Variants in YAE1 observed in about 807,000 individuals in gnomAD.
YAE1 encodes protein YAE1 homolog.
A neutral mutation model predicts 23.0 loss-of-function variants in YAE1; 22 were observed. That is an observed-to-expected ratio of 0.96 (90% CI 0.68 to 1.37). The LOEUF is 1.37. Ranked by LOEUF, YAE1 falls within the 40% of genes most tolerant of loss-of-function variation. The pLI, the probability that YAE1 is intolerant of heterozygous loss-of-function variation, is 0.00. For missense variants in YAE1, 260 were observed against 262.1 expected (o/e 0.99, Z 0.06); for synonymous variants, 101 against 97.0 (o/e 1.04, Z -0.24).
chr7:39,572,136 C>T (rs1396460669), intron 2 of YAE1, 141 bp from the exon 3 acceptor site: 37 of 855,574 alleles, frequency 4.3e-5, no homozygotes, highest in Non-Finnish European at 5.7e-5. Context: ...TCAGGAAAAG[C>T]GTATATAGAG....
Position 39,570,553 on chromosome 7 carries a change from A to G in YAE1, c.177A>G (p.Gln59=), listed in dbSNP as rs369233861. ...ATGCTGGCAAAGCAGTTACTCTTCA[A>G]CAGGGCTTCAATCAAGGTTATAAGA... is the stretch of plus-strand genomic sequence containing the variant. ...GIDAGKAVTL[Q]QGFNQGYKKG... is the part of the protein sequence containing the mutation. Residue 59 remains glutamine, a synonymous_variant, in exon 2 of 3, where the codon CAA becomes CAG. Coordinates refer to ENST00000223273, the MANE Select transcript of YAE1 (RefSeq NM_020192.5). 4 of 1,611,824 alleles carry G rather than the reference A, an allele frequency of 2.5e-6. No homozygotes were observed.
intron 2 of YAE1, among the ~76,000 whole-genome samples, chr7:39,608,561 C>T (rs574442024): frequency 6.6e-6 from 1 of 152,316 alleles, no homozygotes; most frequent in East Asian, 1.9e-4. Context: ...CCATAATAAG[C>T]ACCCAACAAG....
At chr7:39,610,074 T>C (rs989868742) in exon 3 of YAE1, 1 of 1,420,262 alleles carries the variant, frequency 7.0e-7, no homozygotes, top group Non-Finnish European at 9.2e-7. Flanking sequence ...AGGTTTCTCC[T>C]GGGTGAAGAT....
exon 3 of YAE1, chr7:39,609,857 G>C (rs4723885): frequency 0.2 from 308,809 of 1,533,322 alleles, 35,599 homozygotes; most frequent in African/African-American, 0.52. Context: ...GCCACCGCCG[G>C]CGTTTCAGAC....
In YAE1 at chr7:39,592,446, C is replaced by T. The variant is rs371427015; in HGVS notation, c.252-17171C>T. 8.3e-4 allele frequency among the ~76,000 whole-genome samples: 127 copies of T among 152,270 alleles called. No individual in the cohort carries two copies. In the South Asian group the frequency reaches 0.02, roughly 24 times the overall value. On this transcript the variant is annotated intron_variant, in intron 2 of 2. Coordinates refer to the YAE1 transcript ENST00000432096. The stretch of plus-strand genomic sequence containing the variant: ...TGAGATACAGATGCTCCTCAACTTA[C>T]CATGGCGTTATAAACCCATGATAAA...
At chr7:39,567,059 TTTTA>T (rs1207299601) in intron 1 of YAE1, 3 of 152,366 alleles carry the variant, frequency 2.0e-5, no homozygotes, top group African/African-American at 7.2e-5. Context: ...TTGGTTTCTT[TTTTA>T]TTTGTTAGAT....
At chr7:39,584,144 C>T (rs1169453516) in intron 2 of YAE1, among the ~76,000 whole-genome samples, 2 of 152,078 alleles carry the variant, frequency 1.3e-5, no homozygotes, top group Admixed American at 6.5e-5. Flanking sequence ...CACCCCCCAC[C>T]CCATTATTAT....
chr7:39,566,681 C>A, intron 1 of YAE1, 134 bp downstream of exon 1: 1 of 1,234,294 alleles, frequency 8.1e-7, no homozygotes, highest in South Asian at 1.6e-5. Flanking sequence ...GTCCGACCCG[C>A]GTCTTGCTAG....
downstream of YAE1, among the ~76,000 whole-genome samples, chr7:39,573,724 CA>C (rs1474469058): frequency 6.6e-6 from 1 of 152,060 alleles, no homozygotes; most frequent in Non-Finnish European, 1.5e-5. Flanking sequence ...TATATCTTTT[CA>C]AGAGATTAAA....
intron 2 of YAE1, among the ~76,000 whole-genome samples, chr7:39,590,213 C>T (rs893009562): frequency 6.6e-6 from 1 of 152,054 alleles, no homozygotes; most frequent in Non-Finnish European, 1.5e-5. Flanking sequence ...AAAATAATAC[C>T]GTTAAGATTC....
At chr7:39,566,625 G>A in intron 1 of YAE1, 78 bp downstream of exon 1, 2 of 1,580,326 alleles carry the variant, frequency 1.3e-6, no homozygotes, top group East Asian at 2.3e-5. Flanking sequence ...GGTCCAGAGT[G>A]GCCCCAGCCT....
chr7:39,590,382 T>G (rs1790885381), intron 2 of YAE1, among the ~76,000 whole-genome samples: 1 of 152,214 alleles, frequency 6.6e-6, no homozygotes, highest in South Asian at 2.1e-4. Context: ...TTATATGGAC[T>G]ATGTTATTTT....
chr7:39,569,063 G>A (rs1790523171), intron 1 of YAE1, among the ~76,000 whole-genome samples: 1 of 152,052 alleles, frequency 6.6e-6, no homozygotes, highest in African/African-American at 2.4e-5. Flanking sequence ...CCCCAATAAT[G>A]CAATACTGGG....
intron 2 of YAE1, among the ~76,000 whole-genome samples, 176 bp from the exon 3 acceptor site, chr7:39,572,101 A>G (rs578083748): frequency 3.3e-5 from 5 of 152,360 alleles, no homozygotes; most frequent in Admixed American, 6.5e-5. Flanking sequence ...CAGATATTAC[A>G]TAGTCATAAG....
chr7:39,611,984 A>C (rs999973990), downstream of YAE1, among the ~76,000 whole-genome samples: 1 of 152,212 alleles, frequency 6.6e-6, no homozygotes, highest in Non-Finnish European at 1.5e-5. Context: ...TTATTAATGA[A>C]TGTCTTTAAC....
At chr7:39,611,729 G>T (rs1445874859), downstream of YAE1, among the ~76,000 whole-genome samples, 7 of 152,122 alleles carry the variant, frequency 4.6e-5, no homozygotes, top group Admixed American at 2.6e-4. Context: ...TTTTTACCAT[G>T]ATTTGTTCAG....
chr7:39,591,486 C>T (rs958660782), intron 2 of YAE1, among the ~76,000 whole-genome samples: 26 of 151,788 alleles, frequency 1.7e-4, no homozygotes, highest in African/African-American at 6.3e-4. Context: ...TTTTTTTATT[C>T]CCTTTTGTTC....
chr7:39,597,522 T>C (rs2115834559), intron 2 of YAE1, among the ~76,000 whole-genome samples: 1 of 152,342 alleles, frequency 6.6e-6, no homozygotes, highest in East Asian at 1.9e-4. Flanking sequence ...AGTTATTACA[T>C]CTCACTTTTC....
chr7:39,585,198 A>G (rs958870399), intron 2 of YAE1, among the ~76,000 whole-genome samples: 6 of 152,346 alleles, frequency 3.9e-5, no homozygotes, highest in African/African-American at 1.2e-4. Flanking sequence ...ATTCAGAAAC[A>G]TTGTAGAAAA....
Sources: allele counts gnomAD v4.1 joint callset (sites outside exome capture counted in the v4.1 genomes callset), GRCh38; gene constraint gnomAD v4.1.1; transcripts MANE v1.5; gene names NCBI Gene and HGNC (gene_info 2026-07-23, HGNC 2026-07-21).